VAC14: variants seen among roughly 807,000 people sequenced by gnomAD.
VAC14 encodes protein VAC14 homolog.
In VAC14, 47 loss-of-function variants were observed where a neutral mutation model predicts 85.3. That is an observed-to-expected ratio of 0.55 (90% CI 0.44 to 0.70). VAC14 has a LOEUF of 0.70. Ranked by LOEUF, VAC14 falls within the 30% of genes least tolerant of loss-of-function variation. VAC14 has a pLI of 0.00. For synonymous variants in VAC14, 447 were observed against 430.5 expected, an observed-to-expected ratio of 1.04 and a Z score of -0.47; for missense variants, 861 against 1,004.3, an observed-to-expected ratio of 0.86 and a Z score of 1.93.
chr16:70,775,994 C>T (rs2143201068), intron 9 of VAC14, among the ~76,000 whole-genome samples: 1 of 152,310 alleles, frequency 6.6e-6, no homozygotes, highest in African/African-American at 2.4e-5. Context: ...CTTTCTTCAC[C>T]TGTACAATGG....
chr16:70,692,495 G>T (rs537890510), intron 18 of VAC14, among the ~76,000 whole-genome samples: 11 of 152,274 alleles, frequency 7.2e-5, no homozygotes, highest in South Asian at 4.1e-4. Flanking sequence ...TCTCTCCAGG[G>T]TCCTCTGTCT....
At chr16:70,781,706 C>T (rs2033819653) in intron 8 of VAC14, among the ~76,000 whole-genome samples, 163 bp downstream of exon 8, 1 of 152,118 alleles carries the variant, frequency 6.6e-6, no homozygotes, top group Non-Finnish European at 1.5e-5. Flanking sequence ...GGGTCCCTGG[C>T]TTTCCTAATC....
intron 17 of VAC14, among the ~76,000 whole-genome samples, chr16:70,693,193 G>T (rs1048822882): frequency 6.6e-6 from 1 of 152,178 alleles, no homozygotes; most frequent in Non-Finnish European, 1.5e-5. Context: ...CCCCAGGAGT[G>T]TCCTAGCCGT....
At chr16:70,745,482 AGTGTGTGTGTGTGTGT>A (rs145054065) in intron 12 of VAC14, among the ~76,000 whole-genome samples, 9 of 143,870 alleles carry the variant, frequency 6.3e-5, no homozygotes, top group Admixed American at 1.4e-4. Flanking sequence ...GAGGGGCTTC[AGTGTGTGTGTGTGTGT>A]GTGTGTGTGT....
intron 12 of VAC14, among the ~76,000 whole-genome samples, chr16:70,758,054 C>T (rs991922058): frequency 1.3e-5 from 2 of 152,044 alleles, no homozygotes; most frequent in Non-Finnish European, 2.9e-5. Flanking sequence ...AGAATCACAT[C>T]AAAATTACAA....
chr16:70,770,873 C>T (rs2033169370), intron 10 of VAC14: 2 of 152,202 alleles, frequency 1.3e-5, no homozygotes, highest in African/African-American at 4.8e-5. Context: ...ACGGCTGCAC[C>T]TGCGTGCTTG....
chr16:70,766,721 G>A (rs564389142), intron 10 of VAC14, among the ~76,000 whole-genome samples: 3 of 152,322 alleles, frequency 2.0e-5, no homozygotes, highest in African/African-American at 7.2e-5. Flanking sequence ...GTCATGGGAA[G>A]CAGGTGGACC....
chr16:70,698,237 C>T (rs1357237969), intron 15 of VAC14, among the ~76,000 whole-genome samples: 1 of 152,172 alleles, frequency 6.6e-6, no homozygotes, highest in Non-Finnish European at 1.5e-5. Flanking sequence ...CCCTGATTCG[C>T]CAGCAAGGTT....
rs962276362 is a variant in VAC14, at chr16:70,785,949, C to T, written c.256-80G>A. ...GCAGCCTGCAGTGCCAGCTGACATCCCAGCTCCCTTGAAGGTGCTCAGGCC... is the reference window on the plus strand; with the variant it reads ...GCAGCCTGCAGTGCCAGCTGACATCTCAGCTCCCTTGAAGGTGCTCAGGCC... On this transcript the variant is annotated intron_variant, in intron 2 of 18. Coordinates refer to ENST00000261776, the MANE Select transcript of VAC14 (RefSeq NM_018052.5). 13 of 1,476,960 alleles carry T rather than the reference C, an allele frequency of 8.8e-6. No individual in the cohort carries two copies. The Admixed American group carries it at 1.7e-4, about 20-fold the overall frequency. The allele number at this position is 1,476,960 out of a possible 1,614,324, so 91.5% of individuals were successfully genotyped here.
intron 14 of VAC14, among the ~76,000 whole-genome samples, chr16:70,722,418 C>A (rs1248647109): frequency 5.3e-5 from 8 of 152,218 alleles, no homozygotes. Context: ...GTCTGGGCGG[C>A]CTTTCACAAA....
intron 14 of VAC14, among the ~76,000 whole-genome samples, chr16:70,713,139 A>G (rs2054072227): frequency 6.6e-6 from 1 of 152,232 alleles, no homozygotes; most frequent in Non-Finnish European, 1.5e-5. Context: ...TGATTAGCAT[A>G]ATACAAGCAC....
chr16:70,796,836 G>A (rs1421493558), intron 1 of VAC14, among the ~76,000 whole-genome samples: 1 of 152,226 alleles, frequency 6.6e-6, no homozygotes, highest in Non-Finnish European at 1.5e-5. Flanking sequence ...GATCCACAGT[G>A]TGACTGGATT....
chr16:70,695,976 A>G (rs951122711), intron 16 of VAC14: 3 of 193,392 alleles, frequency 1.6e-5, no homozygotes, highest in African/African-American at 6.8e-5. Context: ...GGCACTGGGC[A>G]GTGGCCTGCC....
chr16:70,753,012 G>GTA (rs2031521836), intron 12 of VAC14, among the ~76,000 whole-genome samples: 1 of 91,332 alleles, frequency 1.1e-5, no homozygotes, highest in Non-Finnish European at 2.0e-5. Flanking sequence ...GGAGGAGGGG[G>GTA]TGTGTGTGTG....
At chr16:70,748,934 C>T (rs1052254303) in intron 12 of VAC14, among the ~76,000 whole-genome samples, 1 of 152,008 alleles carries the variant, frequency 6.6e-6, no homozygotes, top group African/African-American at 2.4e-5. Context: ...GAGACTCTGT[C>T]TCAAAAACAA....
intron 14 of VAC14, among the ~76,000 whole-genome samples, chr16:70,705,845 C>T (rs2053910883): frequency 6.6e-6 from 1 of 152,252 alleles, no homozygotes; most frequent in Non-Finnish European, 1.5e-5. Context: ...CGCGTGCCAT[C>T]GATGGGACAT....
intron 9 of VAC14, among the ~76,000 whole-genome samples, chr16:70,776,906 C>G (rs1010867805): frequency 2.6e-5 from 4 of 151,036 alleles, no homozygotes; most frequent in African/African-American, 7.3e-5. Context: ...CTTCCAGGTT[C>G]AAGCAATTCT....
At chr16:70,712,832 CCT>C (rs1319526957) in intron 14 of VAC14, among the ~76,000 whole-genome samples, 1 of 152,136 alleles carries the variant, frequency 6.6e-6, no homozygotes, top group Admixed American at 6.5e-5. Flanking sequence ...TATTGAGAAT[CCT>C]CTGTGTGCTT....
chr16:70,731,375 G>A (rs560411482), intron 14 of VAC14, 120 bp downstream of exon 14: 1 of 1,510,418 alleles, frequency 6.6e-7, no homozygotes, highest in Non-Finnish European at 8.8e-7. Flanking sequence ...AGATCCAAAG[G>A]TCAGGAAAAG....
Sources: allele counts gnomAD v4.1 joint callset (sites outside exome capture counted in the v4.1 genomes callset), GRCh38; gene constraint gnomAD v4.1.1; transcripts MANE v1.5; gene names NCBI Gene and HGNC (gene_info 2026-07-23, HGNC 2026-07-21).